The following RNF141 variants were observed in gnomAD, a reference collection of about 807,000 sequenced individuals.
The protein encoded by RNF141 is C3HC4-like zinc finger protein.
A neutral mutation model predicts 27.4 loss-of-function variants in RNF141; 18 were observed. The ratio of observed to expected loss-of-function variants is 0.66; its 90% CI spans 0.45 to 0.97. RNF141 has a LOEUF of 0.97. Among genes scored for constraint, RNF141 ranks in the 50% least tolerant of loss-of-function variants. The pLI, the probability that RNF141 is intolerant of heterozygous loss-of-function variation, is 0.00. For synonymous variants in RNF141, 97 were observed against 96.6 expected (o/e 1.00, Z -0.02); for missense variants, 230 against 279.4 (o/e 0.82, Z 1.26).
chr11:10,513,531 T>A lies in RNF141; in HGVS notation c.*1385A>T, dbSNP rs1214323453. The A allele has an allele frequency of 6.6e-6, 1 of 152,190 alleles. No individual in the cohort carries two copies. The highest frequency in any genetic ancestry group is 1.5e-5 in the Non-Finnish European group (1 of 68,038). 9.4% of individuals were successfully genotyped at this position (152,190 alleles called of 1,614,324 possible). A position where few individuals can be genotyped will look rare whatever the true frequency, so the allele number is the denominator to read the frequency against. On this transcript the variant is annotated 3_prime_UTR_variant, in exon 6 of 6. Coordinates refer to ENST00000265981, the MANE Select transcript of RNF141 (RefSeq NM_016422.4). ...AAAATGGTTGAGGTGCAACTGAAGA[T>A]CACAATTCCATTATTACTATATTGT...
chr11:10,525,899 G>C (rs915404578), intron 3 of RNF141, among the ~76,000 whole-genome samples: 8 of 152,206 alleles, frequency 5.3e-5, no homozygotes, highest in African/African-American at 1.9e-4. Context: ...AGGCCATTTT[G>C]AGCTTTATCA....
At chr11:10,523,736 C>T (rs1349748421) in intron 4 of RNF141, among the ~76,000 whole-genome samples, 1 of 93,470 alleles carries the variant, frequency 1.1e-5, no homozygotes, top group East Asian at 4.3e-4. Context: ...ATTAAGAAGA[C>T]TGTAACAAGA....
intron 3 of RNF141, among the ~76,000 whole-genome samples, chr11:10,527,105 C>G (rs186699462): frequency 6.6e-6 from 1 of 152,286 alleles, no homozygotes; most frequent in African/African-American, 2.4e-5. Context: ...TGTAACTATT[C>G]TCATCATAGG....
intron 5 of RNF141, chr11:10,517,239 T>A (rs1849849913): frequency 6.6e-6 from 1 of 151,818 alleles, no homozygotes; most frequent in African/African-American, 2.4e-5. Context: ...GTTAAAAAAA[T>A]ACACTGGATA....
intron 1 of RNF141, among the ~76,000 whole-genome samples, chr11:10,540,545 T>A (rs1850088362): frequency 6.6e-6 from 1 of 152,156 alleles, no homozygotes; most frequent in Non-Finnish European, 1.5e-5. Context: ...TAGCAGCTAG[T>A]TTGACAAGGA....
chr11:10,533,240 T>C (rs571203174), intron 2 of RNF141, among the ~76,000 whole-genome samples: 3 of 152,166 alleles, frequency 2.0e-5, no homozygotes, highest in East Asian at 3.9e-4. Flanking sequence ...AAAAGCACAG[T>C]GGTCTGGGGG....
At chr11:10,516,799 T>C (rs1397444168) in intron 5 of RNF141, 1 of 152,178 alleles carries the variant, frequency 6.6e-6, no homozygotes, top group Non-Finnish European at 1.5e-5. Flanking sequence ...GGGACATAAT[T>C]AGTTCTAAAC....
Position 10,525,081 on chromosome 11 carries a change from G to GGA in RNF141, c.434+110_434+111insTC, listed in dbSNP as rs1554904298. ...TGATCTCAGATACAATACCAACTGA[G>GGA]AAAAAAAAAAGATTTAAGATGCTAC... On this transcript the variant is annotated intron_variant, in intron 4 of 5. Coordinates refer to ENST00000265981, the MANE Select transcript of RNF141 (RefSeq NM_016422.4). The GGA allele has an allele frequency of 1.5e-4, 76 of 522,370 alleles. No individual in the cohort carries two copies. The Middle Eastern group carries it at 2.0e-3, about 13-fold the overall frequency. 32.4% of individuals were successfully genotyped at this position (522,370 alleles called of 1,614,324 possible). A position where few individuals can be genotyped will look rare whatever the true frequency, so the allele number is the denominator to read the frequency against.
At chr11:10,531,779 C>T (rs543844583) in intron 2 of RNF141, 30 of 238,030 alleles carry the variant, frequency 1.3e-4, no homozygotes, top group African/African-American at 6.8e-4. Flanking sequence ...ATATCACACT[C>T]AACTAACAGC....
chr11:10,538,295 C>T (rs1661049782), intron 1 of RNF141, among the ~76,000 whole-genome samples: 1 of 152,188 alleles, frequency 6.6e-6, no homozygotes, highest in Admixed American at 6.5e-5. Context: ...GGTTTTCAAC[C>T]TGGTTCCAGA....
At chr11:10,535,147 A>T (rs1162536874) in intron 1 of RNF141, among the ~76,000 whole-genome samples, 1 of 151,884 alleles carries the variant, frequency 6.6e-6, no homozygotes, top group Non-Finnish European at 1.5e-5. Context: ...AAAGCAGGTG[A>T]AACAGTAATA....
Position 10,533,998 on chromosome 11 carries a change from A to G in RNF141, c.143+18T>C, listed in dbSNP as rs1850012024. The G allele has an allele frequency of 6.2e-7, 1 of 1,607,784 alleles. No individual in the cohort carries two copies. The highest frequency in any genetic ancestry group is 1.7e-5 in the Admixed American group (1 of 58,614). Reference sequence around the variant, plus strand: ...TACAACAAGGGGAAAAACGAAAAACAAAAAGAGCAAGCCTTACACATCATT... The same window carrying G: ...TACAACAAGGGGAAAAACGAAAAACGAAAAGAGCAAGCCTTACACATCATT... On this transcript the variant is annotated intron_variant, in intron 2 of 5. Transcript: ENST00000265981.
Position 10,511,947 on chromosome 11 carries a change from T to A in RNF141, c.*2969A>T, listed in dbSNP as rs761413466. 6.7e-6 allele frequency: 1 copy of A among 149,922 alleles called. No homozygotes were observed. The highest frequency in any genetic ancestry group is 1.5e-5 in the Non-Finnish European group (1 of 66,322). 9.3% of individuals were successfully genotyped at this position (149,922 alleles called of 1,614,324 possible). A position where few individuals can be genotyped will look rare whatever the true frequency, so the allele number is the denominator to read the frequency against. ...ATTAGCTAAAATCACTTGCGAAAGA[T>A]TATTTATTGCACAATTTATCAGTGG... On this transcript the variant is annotated 3_prime_UTR_variant, in exon 6 of 6. Transcript: ENST00000265981.
rs1349105799 is a variant in RNF141, at chr11:10,514,931, C to A, written c.678G>T (p.Gln226His). 1 of 1,612,754 alleles carries A rather than the reference C, an allele frequency of 6.2e-7. No homozygotes were observed. Among genetic ancestry groups the A allele is most frequent in the Admixed American group, 1.7e-5 (1 of 59,782 alleles). ...YILNMADEAGQPHRP is the reference protein window; with the variant it reads ...YILNMADEAGHPHRP ...CACTTCAAGGTCATGGCCTGTGGGG[C>A]TGGCCTGCCTCATCAGCCATGTTAA... Residue 226 changes from glutamine (Q) to histidine (H), a missense_variant, in exon 6 of 6, where the codon CAG becomes CAT. Transcript: ENST00000265981.
intron 5 of RNF141, chr11:10,517,159 A>G (rs1849849481): frequency 6.6e-6 from 1 of 152,202 alleles, no homozygotes; most frequent in South Asian, 2.1e-4. Context: ...GAAAGCTCAA[A>G]GATAGTAAGA....
chr11:10,516,133 G>C lies in RNF141; in HGVS notation c.543-1067C>G, dbSNP rs182553878. 3 of 152,280 alleles carry C rather than the reference G, an allele frequency of 2.0e-5. No homozygotes were observed. The East Asian group carries it at 5.8e-4, about 29-fold the overall frequency. 9.4% of individuals were successfully genotyped at this position (152,280 alleles called of 1,614,324 possible). On this transcript the variant is annotated intron_variant, in intron 5 of 5. Transcript: ENST00000265981. ...CCAAAAACTAAATGTGAAAGCTACAGCTGGCATATATTATTTAGGTTGATT... is the reference window on the plus strand; with the variant it reads ...CCAAAAACTAAATGTGAAAGCTACACCTGGCATATATTATTTAGGTTGATT...
chr11:10,540,283 C>T (rs1443455472), intron 1 of RNF141, among the ~76,000 whole-genome samples: 1 of 151,960 alleles, frequency 6.6e-6, no homozygotes, highest in Non-Finnish European at 1.5e-5. Context: ...TATATATATG[C>T]CAGAGGCAAG....
At chr11:10,539,835 T>C (rs1314795085) in intron 1 of RNF141, among the ~76,000 whole-genome samples, 4 of 151,198 alleles carry the variant, frequency 2.6e-5, no homozygotes, top group African/African-American at 7.3e-5. Context: ...CTTGTAAGAA[T>C]TCTCTCTGGA....
In RNF141 at chr11:10,539,691, C is replaced by CATACATACATACATACATATATATAT. The variant is rs1178912246; in HGVS notation, c.-48+1430_-48+1431insATATATATATGTATGTATGTATGTAT. Among the ~76,000 whole-genome samples, 52 of 40,328 alleles carry CATACATACATACATACATATATATAT rather than the reference C, an allele frequency of 1.3e-3. 9 individuals carry two copies. The highest frequency in any genetic ancestry group is 1.4e-3 in the South Asian group (2 of 1,478). The allele number at this position is 40,328 out of a possible 152,430, so 26.5% of individuals were successfully genotyped here. On this transcript the variant is annotated intron_variant, in intron 1 of 5. Transcript: ENST00000265981. ...GATCTTGATCAGAAAAAGATACATA[C>CATACATACATACATACATATATATAT]ATATATATTAGAGAGAGAAGGAGAG...
Sources: gnomAD v4.1 joint callset for allele counts (sites outside exome capture counted in the v4.1 genomes callset) on GRCh38, gnomAD v4.1.1 for gene constraint, MANE v1.5 for transcripts, NCBI Gene and HGNC (gene_info 2026-07-23, HGNC 2026-07-21) for gene names.